Variants in IL7 observed in about 807,000 individuals in gnomAD.
IL7 encodes interleukin-7.
Under a neutral mutation model 21.6 loss-of-function variants are expected in IL7, and 3 were observed. The ratio of observed to expected loss-of-function variants is 0.14; its 90% CI spans 0.06 to 0.36. IL7 has a LOEUF of 0.36. Among genes scored for constraint, IL7 ranks in the 10% least tolerant of loss-of-function variants. The pLI is 1.00. For missense variants in IL7, 175 were observed against 200.2 expected (o/e 0.87, Z 0.76); for synonymous variants, 62 against 68.1 (o/e 0.91, Z 0.44).
At chr8:78,737,652 A>G (rs1811637742) in intron 4 of IL7, among the ~76,000 whole-genome samples, 1 of 152,132 alleles carries the variant, frequency 6.6e-6, no homozygotes, top group Admixed American at 6.5e-5. Flanking sequence ...TTCAAAGATA[A>G]TCTTACCATT....
At chr8:78,678,483 G>A (rs1809656921) in intron 4 of IL7, 1 of 1,013,878 alleles carries the variant, frequency 9.9e-7, no homozygotes, top group Admixed American at 2.5e-5. Context: ...TTTTTAAACT[G>A]GTCTCAATGT....
At chr8:78,686,545 C>T (rs1809980794) in intron 3 of IL7, 1 of 1,545,868 alleles carries the variant, frequency 6.5e-7, no homozygotes, top group Non-Finnish European at 8.7e-7. Flanking sequence ...AGCTAAAGGC[C>T]TTGATCAGGC....
intron 2 of IL7, among the ~76,000 whole-genome samples, chr8:78,754,738 C>A (rs150790580): frequency 1.5e-3 from 232 of 152,168 alleles, no homozygotes; most frequent in African/African-American, 5.1e-3. Context: ...AAATTAATCC[C>A]TTGTTGGATG....
chr8:78,727,066 G>T (rs552582360), intron 3 of IL7, among the ~76,000 whole-genome samples: 1 of 151,980 alleles, frequency 6.6e-6, no homozygotes, highest in Non-Finnish European at 1.5e-5. Flanking sequence ...AAACTCCAAG[G>T]ACTGGTACAT....
At chr8:78,760,042 T>G in intron 2 of IL7, 2 of 1,077,704 alleles carry the variant, frequency 1.9e-6, no homozygotes, top group Non-Finnish European at 1.3e-6. Context: ...TTCAATGGAG[T>G]CCTATAGGCA....
Position 78,805,399 on chromosome 8 carries a change from G to A in IL7, c.-477C>T, listed in dbSNP as rs542192265. 1 of 153,544 alleles carries A rather than the reference G, an allele frequency of 6.5e-6. No individual in the cohort carries two copies. The highest frequency in any genetic ancestry group is 1.5e-5 in the Non-Finnish European group (1 of 68,820). 9.5% of individuals were successfully genotyped at this position (153,544 alleles called of 1,614,324 possible). On this transcript the variant is annotated 5_prime_UTR_variant, in exon 1 of 6. Coordinates refer to ENST00000263851, the MANE Select transcript of IL7 (RefSeq NM_000880.4). ...TCCCAGATGATCTCTCAACGCCTTG[G>A]CAACGCTTGGCGACTGGGAGCTAGA...
At chr8:78,747,187 GCT>G in intron 2 of IL7, 5 of 249,404 alleles carry the variant, frequency 2.0e-5, no homozygotes, top group East Asian at 2.4e-4. Flanking sequence ...ATACTTCATT[GCT>G]TTTTTTTTTT....
Position 78,733,032 on chromosome 8 carries a change from TTTTTA to T in IL7, c.*676_*680del, listed in dbSNP as rs1182124242. The T allele has an allele frequency of 5.3e-5, 8 of 152,212 alleles. No individual in the cohort carries two copies. Among genetic ancestry groups the T allele is most frequent in the Non-Finnish European group, 8.8e-5 (6 of 67,976 alleles). 9.4% of individuals were successfully genotyped at this position (152,212 alleles called of 1,614,324 possible). ...AGCATCCTTAGACTAGGTGAATTTA[TTTTTA>T]TTTTATTTTATTTTTTTGAAATTGT... On this transcript the variant is annotated 3_prime_UTR_variant, in exon 6 of 6. Transcript: ENST00000263851.
chr8:78,756,022 G>C (rs1812334916), intron 2 of IL7, among the ~76,000 whole-genome samples: 1 of 152,004 alleles, frequency 6.6e-6, no homozygotes, highest in African/African-American at 2.4e-5. Flanking sequence ...AATTTGTTAA[G>C]AGTTTTCATC....
At chr8:78,691,359 G>T (rs1810206279) in intron 3 of IL7, among the ~76,000 whole-genome samples, 1 of 152,076 alleles carries the variant, frequency 6.6e-6, no homozygotes, top group East Asian at 1.9e-4. Flanking sequence ...ATTATAAATT[G>T]TTCCTTTTTG....
At chr8:78,749,122 A>G (rs1158408012) in intron 2 of IL7, among the ~76,000 whole-genome samples, 2 of 152,162 alleles carry the variant, frequency 1.3e-5, no homozygotes, top group African/African-American at 2.4e-5. Flanking sequence ...CTGTCAAAAC[A>G]TATTCACTAA....
At chr8:78,760,534 G>A in intron 2 of IL7, 1 of 1,538,928 alleles carries the variant, frequency 6.5e-7, no homozygotes, top group Non-Finnish European at 8.7e-7. Context: ...GATTGGGTAA[G>A]TCACTTCTAT....
intron 2 of IL7, among the ~76,000 whole-genome samples, chr8:78,774,025 G>GA (rs1813050215): frequency 6.6e-6 from 1 of 151,594 alleles, no homozygotes; most frequent in African/African-American, 2.4e-5. Context: ...AAATTATAAA[G>GA]AAAAAACTCC....
intron 3 of IL7, among the ~76,000 whole-genome samples, chr8:78,709,206 TAAAATTAGAGCAACC>T (rs1056802684): frequency 5.1e-4 from 77 of 152,312 alleles, no homozygotes; most frequent in African/African-American, 1.7e-3. Flanking sequence ...GTAATACACC[TAAAATTAGAGCAACC>T]AAAGGCATGT....
intron 3 of IL7, among the ~76,000 whole-genome samples, chr8:78,700,242 A>G (rs1199090959): frequency 1.3e-5 from 2 of 151,892 alleles, no homozygotes; most frequent in Non-Finnish European, 2.9e-5. Flanking sequence ...TTTTCATATG[A>G]CAGTTGACCG....
At chr8:78,763,114 G>A (rs376480382) in intron 2 of IL7, among the ~76,000 whole-genome samples, 1 of 152,192 alleles carries the variant, frequency 6.6e-6, no homozygotes, top group East Asian at 1.9e-4. Flanking sequence ...CTGTCCTCAT[G>A]CCACCAGATG....
chr8:78,710,557 A>G lies in IL7; in HGVS notation n.214+10791T>C, dbSNP rs145507966. Among the ~76,000 whole-genome samples, 182 of 152,186 alleles carry G rather than the reference A, an allele frequency of 1.2e-3. 2 individuals carry two copies. The highest frequency in any genetic ancestry group is 5.0e-3 in the South Asian group (24 of 4,820). ...GAATATGTTTTTAAAATATAGTCAA[A>G]AATTTTCTAAATTTTAATTTCAGGA... is the stretch of plus-strand genomic sequence containing the variant. On this transcript the variant is annotated intron_variant and non_coding_transcript_variant, in intron 3 of 4. Transcript: ENST00000523959.
At chr8:78,787,878 C>CT (rs1220560190) in intron 2 of IL7, among the ~76,000 whole-genome samples, 2 of 152,156 alleles carry the variant, frequency 1.3e-5, no homozygotes, top group African/African-American at 4.8e-5. Context: ...GAAATTTAGT[C>CT]TCTCAGAGTT....
intron 2 of IL7, among the ~76,000 whole-genome samples, chr8:78,771,623 T>G (rs1026531308): frequency 6.6e-6 from 1 of 152,226 alleles, no homozygotes; most frequent in East Asian, 1.9e-4. Flanking sequence ...AGCATTCAAC[T>G]GGGGTCTTTT....
Sources: allele counts gnomAD v4.1 joint callset (sites outside exome capture counted in the v4.1 genomes callset), GRCh38; gene constraint gnomAD v4.1.1; transcripts MANE v1.5; gene names NCBI Gene and HGNC (gene_info 2026-07-23, HGNC 2026-07-21).